Variants in ANKIB1 observed in about 807,000 individuals in gnomAD.
The protein encoded by ANKIB1 is ankyrin repeat and IBR domain containing 1, also known as ankyrin repeat and IBR domain-containing protein 1.
In ANKIB1, 43 loss-of-function variants were observed where a neutral mutation model predicts 122.1. That is an observed-to-expected ratio of 0.35 (90% CI 0.28 to 0.45). The LOEUF (loss-of-function observed/expected upper bound fraction) is 0.45, where lower values mean the gene tolerates loss of function less well. Among genes scored for constraint, ANKIB1 ranks in the 20% least tolerant of loss-of-function variants. The probability of loss-of-function intolerance (pLI) is 1.00; values close to 1 mark genes in which losing one functional copy is unlikely to be tolerated. For missense variants in ANKIB1, 992 were observed against 1,329.5 expected (o/e 0.75, Z 3.95); for synonymous variants, 390 against 442.0 (o/e 0.88, Z 1.48).
At chr7:92,339,908 G>T (rs1803399957) in intron 5 of ANKIB1, among the ~76,000 whole-genome samples, 1 of 142,590 alleles carries the variant, frequency 7.0e-6, no homozygotes, top group South Asian at 2.2e-4. Context: ...TCCTTTTCTT[G>T]AGTTTGGTTG....
chr7:92,361,193 C>G (rs1803938308), intron 9 of ANKIB1, among the ~76,000 whole-genome samples: 1 of 152,284 alleles, frequency 6.6e-6, no homozygotes, highest in East Asian at 1.9e-4. Flanking sequence ...AATGGCAGTT[C>G]ATCAAGGCTT....
At chr7:92,363,708 C>T (rs1327205530) in intron 10 of ANKIB1, among the ~76,000 whole-genome samples, 6 of 152,150 alleles carry the variant, frequency 3.9e-5, no homozygotes, top group Admixed American at 1.3e-4. Context: ...GATGGCCTGG[C>T]GGCCATGATA....
chr7:92,379,113 G>A (rs1454428247), intron 11 of ANKIB1, among the ~76,000 whole-genome samples: 1 of 152,242 alleles, frequency 6.6e-6, no homozygotes, highest in Non-Finnish European at 1.5e-5. Flanking sequence ...AATTTAGGCT[G>A]GGCGCGGTGG....
At chr7:92,279,496 C>T (rs1801976100) in intron 1 of ANKIB1, among the ~76,000 whole-genome samples, 1 of 152,096 alleles carries the variant, frequency 6.6e-6, no homozygotes, top group Non-Finnish European at 1.5e-5. Context: ...GGATGTGACC[C>T]AGACAATCCA....
chr7:92,361,753 A>G (rs930753635), intron 9 of ANKIB1, among the ~76,000 whole-genome samples: 5 of 151,682 alleles, frequency 3.3e-5, no homozygotes, highest in African/African-American at 1.2e-4. Context: ...TCCATCTCTC[A>G]TTAGTCACCG....
At chr7:92,327,322 A>AAT (rs1181190353) in intron 4 of ANKIB1, among the ~76,000 whole-genome samples, 2 of 152,212 alleles carry the variant, frequency 1.3e-5, no homozygotes, top group East Asian at 3.8e-4. Flanking sequence ...TTTGAACTTT[A>AAT]ATAACCAAAT....
rs1804893050 is a variant in ANKIB1, at chr7:92,396,458, C to G, written c.2377C>G (p.Pro793Ala). Residue 793 changes from proline to alanine, a missense_variant, in exon 18 of 20, where the codon CCA becomes GCA. Coordinates refer to ENST00000265742, the MANE Select transcript of ANKIB1 (RefSeq NM_019004.2). The part of the protein sequence containing the change: ...LLSNPPDPDE[P>A]SESTLDIPEG... ...CAGTAATCCTCCAGACCCTGATGAG[C>G]CAAGTGAAAGCACTTTAGGTAAGTC... is the stretch of plus-strand genomic sequence containing the variant. The G allele has an allele frequency of 6.3e-7, 1 of 1,580,314 alleles. No individual in the cohort carries two copies. The highest frequency in any genetic ancestry group is 8.6e-7 in the Non-Finnish European group (1 of 1,159,500).
At chr7:92,301,914 G>A (rs1166373952) in intron 2 of ANKIB1, among the ~76,000 whole-genome samples, 1 of 151,832 alleles carries the variant, frequency 6.6e-6, no homozygotes. Flanking sequence ...ATTGTAGACT[G>A]TAGCTGAGCT....
At chr7:92,251,073 G>A (rs1801320205) in intron 1 of ANKIB1, among the ~76,000 whole-genome samples, 1 of 152,128 alleles carries the variant, frequency 6.6e-6, no homozygotes, top group Non-Finnish European at 1.5e-5. Flanking sequence ...AACATAGACA[G>A]TCCTTTCATT....
At chr7:92,308,881 G>C (rs1183877492) in intron 3 of ANKIB1, among the ~76,000 whole-genome samples, 1 of 152,072 alleles carries the variant, frequency 6.6e-6, no homozygotes, top group Non-Finnish European at 1.5e-5. Flanking sequence ...ATTACTAAAA[G>C]TATATACCTT....
chr7:92,280,158 C>T (rs988562670), intron 1 of ANKIB1, among the ~76,000 whole-genome samples: 13 of 152,196 alleles, frequency 8.5e-5, no homozygotes, highest in African/African-American at 3.1e-4. Context: ...TTTCAGCTTT[C>T]CTGATTGGGA....
chr7:92,288,888 A>T (rs79368186), intron 1 of ANKIB1, among the ~76,000 whole-genome samples: 1 of 152,198 alleles, frequency 6.6e-6, no homozygotes, highest in Non-Finnish European at 1.5e-5. Context: ...TGACAATTCC[A>T]ATTGCTGACC....
intron 1 of ANKIB1, among the ~76,000 whole-genome samples, chr7:92,265,017 C>T (rs1801641375): frequency 6.6e-6 from 1 of 152,040 alleles, no homozygotes; most frequent in South Asian, 2.1e-4. Flanking sequence ...GTTCTGCTGC[C>T]CAGGAGAGAG....
chr7:92,370,508 C>CAAAAAAAA (rs34318038), intron 10 of ANKIB1, among the ~76,000 whole-genome samples: 5 of 32,966 alleles, frequency 1.5e-4, no homozygotes, highest in Non-Finnish European at 3.0e-4. Flanking sequence ...ACTCTTGTCT[C>CAAAAAAAA]AAAAAAAAAA....
At chr7:92,346,346 G>T (rs1482513895) in intron 7 of ANKIB1, among the ~76,000 whole-genome samples, 1 of 152,042 alleles carries the variant, frequency 6.6e-6, no homozygotes, top group Non-Finnish European at 1.5e-5. Context: ...GGTCAATCTG[G>T]TCTCGAACTC....
At chr7:92,251,995 G>A (rs919617487) in intron 1 of ANKIB1, among the ~76,000 whole-genome samples, 1 of 152,052 alleles carries the variant, frequency 6.6e-6, no homozygotes, top group African/African-American at 2.4e-5. Context: ...TTTATGCCCT[G>A]TATTCTGTGT....
At chr7:92,335,692 A>T (rs1037850042) in intron 5 of ANKIB1, among the ~76,000 whole-genome samples, 3 of 151,730 alleles carry the variant, frequency 2.0e-5, no homozygotes, top group Admixed American at 2.0e-4. Context: ...TGCTATTTGA[A>T]TATCTTGTAA....
At chr7:92,377,908 G>A (rs1158109615) in intron 11 of ANKIB1, among the ~76,000 whole-genome samples, 2 of 151,496 alleles carry the variant, frequency 1.3e-5, no homozygotes, top group Non-Finnish European at 2.9e-5. Flanking sequence ...TTAAGGGGCC[G>A]GTAATTCTAA....
intron 3 of ANKIB1, among the ~76,000 whole-genome samples, chr7:92,309,455 A>G (rs1802639444): frequency 6.6e-6 from 1 of 152,094 alleles, no homozygotes; most frequent in Non-Finnish European, 1.5e-5. Context: ...GTAGGGGACT[A>G]ATAGCAGAAT....
Sources: gnomAD v4.1 joint callset for allele counts (sites outside exome capture counted in the v4.1 genomes callset) on GRCh38, gnomAD v4.1.1 for gene constraint, MANE v1.5 for transcripts, NCBI Gene and HGNC (gene_info 2026-07-23, HGNC 2026-07-21) for gene names.